ANO8: variants seen among roughly 807,000 people sequenced by gnomAD.
ANO8 encodes anoctamin 8.
Under a neutral mutation model 120.4 loss-of-function variants are expected in ANO8, and 67 were observed. That is an observed-to-expected ratio of 0.56 (90% CI 0.46 to 0.68). The LOEUF (loss-of-function observed/expected upper bound fraction) is 0.68, where lower values mean the gene tolerates loss of function less well. Ranked by LOEUF, ANO8 falls within the 30% of genes least tolerant of loss-of-function variation. ANO8 has a pLI of 0.00. For synonymous variants in ANO8, 727 were observed against 759.2 expected, an observed-to-expected ratio of 0.96 and a Z score of 0.70; for missense variants, 1,526 against 1,737.6, an observed-to-expected ratio of 0.88 and a Z score of 2.16.
In ANO8 at chr19:17,327,431, G is replaced by T; in HGVS notation, c.2550+7C>A. 1 of 1,602,170 alleles carries T rather than the reference G, an allele frequency of 6.2e-7. No individual in the cohort carries two copies. Among genetic ancestry groups the T allele is most frequent in the Non-Finnish European group, 8.5e-7 (1 of 1,174,474 alleles). ...CCAGCTGCCCCCGCCCCTGTCGCCG[G>T]CCCCACCTCGAGCACTACCACCGAC... On this transcript the variant is annotated splice_region_variant and intron_variant, in intron 15 of 17. Coordinates refer to ENST00000159087, the MANE Select transcript of ANO8 (RefSeq NM_020959.3).
At chr19:17,326,400 G>A (rs1472176526) in intron 16 of ANO8, among the ~76,000 whole-genome samples, 5 of 152,200 alleles carry the variant, frequency 3.3e-5, no homozygotes, top group African/African-American at 1.2e-4. Flanking sequence ...TATTTGGGAG[G>A]CATGAGAATT....
chr19:17,333,225 GC>G lies in ANO8; in HGVS notation c.364del (p.Ala122ProfsTer10). 6.2e-7 allele frequency: 1 copy of G among 1,609,720 alleles called. No homozygotes were observed. Among genetic ancestry groups the G allele is most frequent in the Non-Finnish European group, 8.5e-7 (1 of 1,177,634 alleles). On this transcript the variant is annotated frameshift_variant, in exon 4 of 18. Coordinates refer to ENST00000159087, the MANE Select transcript of ANO8 (RefSeq NM_020959.3). LOFTEE classifies it high-confidence loss of function. The surrounding 1 kb of genome is among the most constrained non-coding windows in gnomAD (Gnocchi z 7.2). ...TGCTTTGCGCAGACCCAGCTCGTCG[GC>G]CCCTCGGAGTAGGCTGTGAAGAAGG... ...TATYESLLRG[A>X]DELGLRKAVK... is the part of the protein sequence containing the mutation.
Position 17,330,143 on chromosome 19 carries a change from T to C in ANO8, c.1255A>G (p.Ile419Val). The C allele has an allele frequency of 6.2e-7, 1 of 1,614,050 alleles. No individual in the cohort carries two copies. Among genetic ancestry groups the C allele is most frequent in the East Asian group, 2.2e-5 (1 of 44,872 alleles). ...VSAEGYKKLAIWLNDMENYRL... is the reference protein window; with the variant it reads ...VSAEGYKKLAVWLNDMENYRL... ...GTCGTACCCATGTCATTGAGCCAGA[T>C]GGCTAGCTTCTTGTAGCCCTCGGCA... Residue 419 changes from isoleucine to valine, a missense_variant, in exon 10 of 18, where the codon ATC (isoleucine) becomes GTC (valine). This residue lies in a region of ANO8 where 91 missense variants were observed against 85.3 expected (regional missense o/e 1.07). Coordinates refer to ENST00000159087, the MANE Select transcript of ANO8 (RefSeq NM_020959.3).
At chr19:17,326,063 T>C (rs2074272017) in intron 16 of ANO8, among the ~76,000 whole-genome samples, 1 of 152,238 alleles carries the variant, frequency 6.6e-6, no homozygotes, top group South Asian at 2.1e-4. Flanking sequence ...ACGCCGGTAC[T>C]TTCTGGGAAT....
chr19:17,334,379 G>C (rs965376722), intron 1 of ANO8, among the ~76,000 whole-genome samples, 186 bp downstream of exon 1: 1 of 152,158 alleles, frequency 6.6e-6, no homozygotes, highest in African/African-American at 2.4e-5. Flanking sequence ...TCTCCGCGCC[G>C]GGACCCCAGC....
intron 1 of ANO8, among the ~76,000 whole-genome samples, chr19:17,334,118 C>A (rs565888596): frequency 1.1e-3 from 172 of 152,380 alleles, no homozygotes; most frequent in African/African-American, 3.9e-3. Context: ...ACAGCGCCGT[C>A]CTTGCAGCAG....
chr19:17,323,541 C>G lies in ANO8; in HGVS notation c.3675G>C (p.Val1225=), dbSNP rs1345325854. The G allele has an allele frequency of 3.9e-6, 5 of 1,293,182 alleles. No homozygotes were observed. Among genetic ancestry groups the G allele is most frequent in the Non-Finnish European group, 4.9e-6 (5 of 1,020,152 alleles). The allele number at this position is 1,293,182 out of a possible 1,614,324, so 80.1% of individuals were successfully genotyped here. Residue 1225 remains valine, a synonymous_variant, in exon 18 of 18, where the codon GTG becomes GTC. Transcript: ENST00000159087. ...SPSPSPSPQA[V]CWPSGWH is the part of the protein sequence containing the mutation. ...GCTAATGCCAGCCGCTGGGCCAGCA[C>G]ACGGCCTGGGGGCTGGGGCTGGGGC...
chr19:17,323,313 GT>G lies in ANO8; in HGVS notation c.*203del, dbSNP rs2074250031. 1.5e-5 allele frequency: 3 copies of G among 195,678 alleles called. No homozygotes were observed. Among genetic ancestry groups the G allele is most frequent in the Admixed American group, 6.6e-5 (1 of 15,216 alleles). The allele number at this position is 195,678 out of a possible 1,614,324, so 12.1% of individuals were successfully genotyped here. On this transcript the variant is annotated 3_prime_UTR_variant, in exon 18 of 18. Transcript: ENST00000159087. The stretch of plus-strand genomic sequence containing the variant: ...AAACAAATAAATAATCGCCTGTTCT[GT>G]GTGTGTGTGTGTGTGTGTGTGTGTG...
intron 5 of ANO8, among the ~76,000 whole-genome samples, chr19:17,332,024 TC>T (rs1265722506): frequency 1.5e-5 from 2 of 130,784 alleles, no homozygotes; most frequent in Admixed American, 1.7e-4. Flanking sequence ...AACCTCTGCC[TC>T]CCGGGTTCAA....
chr19:17,328,121 G>GGCGGGGCCCCGCCCCCT, intron 13 of ANO8, 41 bp downstream of exon 13: 1 of 1,436,414 alleles, frequency 7.0e-7, no homozygotes, highest in Non-Finnish European at 9.3e-7. Flanking sequence ...TCCCGTCCCC[G>GGCGGGGCCCCGCCCCCT]GCGAGGCCCC....
Position 17,328,677 on chromosome 19 carries a change from C to G in ANO8, c.1711G>C (p.Gly571Arg). 1 of 1,401,206 alleles carries G rather than the reference C, an allele frequency of 7.1e-7. No homozygotes were observed. The highest frequency in any genetic ancestry group is 9.4e-7 in the Non-Finnish European group (1 of 1,065,852). The allele number at this position is 1,401,206 out of a possible 1,614,324, so 86.8% of individuals were successfully genotyped here. A position where few individuals can be genotyped will look rare whatever the true frequency, so the allele number is the denominator to read the frequency against. Reference sequence around the variant, plus strand: ...CCTGGAGGCCCGTCCCCCTCCTCCCCGCCTTCCCCCGCCCGCCGCCGCTCC... The same window carrying G: ...CCTGGAGGCCCGTCCCCCTCCTCCCGGCCTTCCCCCGCCCGCCGCCGCTCC... ...LVERRRAGEG[G>R]EEGDGPPGGK... The change falls in exon 13 of 18, where the codon GGG becomes CGG. Residue 571 changes from glycine to arginine, a missense_variant. Coordinates refer to ENST00000159087, the MANE Select transcript of ANO8 (RefSeq NM_020959.3).
Position 17,327,540 on chromosome 19 carries a change from C to G in ANO8, c.2448G>C (p.Ala816=). 1 of 1,613,460 alleles carries G rather than the reference C, an allele frequency of 6.2e-7. No homozygotes were observed. The change falls in exon 15 of 18, where the codon GCG becomes GCC. Residue 816 remains alanine (A), a synonymous_variant. Coordinates refer to ENST00000159087, the MANE Select transcript of ANO8 (RefSeq NM_020959.3). ...QKVMEAMGVL[A]IVVNCYLIGQ... ...CGATTAAGTAGCAGTTGACCACAAT[C>G]GCTAGGACACCCATGGCCTCCATCA... is the stretch of plus-strand genomic sequence containing the variant.
At position 17,330,371 on chromosome 19, in the gene ANO8, A is replaced by T; in HGVS notation, c.1127T>A (p.Leu376His). The T allele has an allele frequency of 6.3e-7, 1 of 1,596,612 alleles. No individual in the cohort carries two copies. Among genetic ancestry groups the T allele is most frequent in the South Asian group, 1.1e-5 (1 of 88,938 alleles). ...GGTCACCTGCAGCTGGAAGCAGCCAAGCATGAGCAAGAAGACACAGACGAG... is the reference window on the plus strand; with the variant it reads ...GGTCACCTGCAGCTGGAAGCAGCCATGCATGAGCAAGAAGACACAGACGAG... ...ACLVCVFLLM[L>H]GCFQLQELVL... The change falls in exon 9 of 18, where the codon CTT (leucine) becomes CAT (histidine). Residue 376 changes from leucine to histidine, a missense_variant. Physicochemically the swap from Leu to His is moderately conservative, Grantham distance 99. Transcript: ENST00000159087.
In ANO8 at chr19:17,328,881, G is replaced by T. The variant is rs564364504; in HGVS notation, c.1507C>A (p.Arg503=). 26 of 1,500,920 alleles carry T rather than the reference G, an allele frequency of 1.7e-5. No individual in the cohort carries two copies. Among genetic ancestry groups the T allele is most frequent in the Non-Finnish European group, 2.2e-5 (25 of 1,129,488 alleles). 93.0% of individuals were successfully genotyped at this position (1,500,920 alleles called of 1,614,324 possible). A position where few individuals can be genotyped will look rare whatever the true frequency, so the allele number is the denominator to read the frequency against. Residue 503 remains arginine, a synonymous_variant, in exon 13 of 18, where the codon CGG becomes AGG. Transcript: ENST00000159087. ...RRLGRGELGL[R]AVWELARALL... is the part of the protein sequence containing the mutation. ...GCTCGGGCCAGCTCCCAGACGGCCCGCAGGCCCAGCTCGCCGCGGCCCAGG... is the reference window on the plus strand; with the variant it reads ...GCTCGGGCCAGCTCCCAGACGGCCCTCAGGCCCAGCTCGCCGCGGCCCAGG...
Position 17,328,846 on chromosome 19 carries a change from G to A in ANO8, c.1542C>T (p.Gly514=). Residue 514 remains glycine, a synonymous_variant, in exon 13 of 18, where the codon GGC becomes GGT. Coordinates refer to ENST00000159087, the MANE Select transcript of ANO8 (RefSeq NM_020959.3). ...GCGCAGGGCGCCGGAGGCTCAGGAG[G>A]CCAAGCAGGGCTCGGGCCAGCTCCC... is the stretch of plus-strand genomic sequence containing the variant. ...AVWELARALL[G]LLSLRRPAPR... is the part of the protein sequence containing the mutation. The A allele has an allele frequency of 1.3e-6, 2 of 1,481,540 alleles. No individual in the cohort carries two copies. Among genetic ancestry groups the A allele is most frequent in the East Asian group, 2.9e-5 (1 of 34,178 alleles). 91.8% of individuals were successfully genotyped at this position (1,481,540 alleles called of 1,614,324 possible).
chr19:17,329,317 C>A, intron 12 of ANO8: 1 of 356,478 alleles, frequency 2.8e-6, no homozygotes, highest in South Asian at 5.3e-5. Flanking sequence ...AGATTCCCTC[C>A]GCGCATGCGC....
At chr19:17,328,135 C>A (rs2074286099) in intron 13 of ANO8, 27 bp downstream of exon 13, 1 of 1,511,626 alleles carries the variant, frequency 6.6e-7, no homozygotes. Flanking sequence ...AGGCCCCGCC[C>A]CCTGCGAGGC....
intron 5 of ANO8, among the ~76,000 whole-genome samples, chr19:17,331,651 G>GTTTTT (rs369893061): frequency 1.4e-4 from 20 of 143,406 alleles, no homozygotes; most frequent in African/African-American, 4.6e-4. Flanking sequence ...GAGGAACCAT[G>GTTTTT]TTTTTTTTTT....
rs200795418 is a variant in ANO8, at chr19:17,328,434, C to T, written c.1954G>A (p.Gly652Arg). 367 of 1,575,850 alleles carry T rather than the reference C, an allele frequency of 2.3e-4. 1 individual carries two copies. Among genetic ancestry groups the T allele is most frequent in the Non-Finnish European group, 2.9e-4 (333 of 1,166,736 alleles). The change falls in exon 13 of 18, where the codon GGA becomes AGA. Residue 652 changes from glycine to arginine, a missense_variant. Gly to Arg is a moderately radical substitution (Grantham distance 125). Coordinates refer to ENST00000159087, the MANE Select transcript of ANO8 (RefSeq NM_020959.3). Reference protein sequence around the residue: ...PTMVEKGLEPGVFTLAEEDDE... With the variant: ...PTMVEKGLEPRVFTLAEEDDE... ...TCCTCCTCGGCCAGGGTGAACACTCCCGGCTCCAGCCCCTTCTCCACCATA... is the reference window on the plus strand; with the variant it reads ...TCCTCCTCGGCCAGGGTGAACACTCTCGGCTCCAGCCCCTTCTCCACCATA...
Sources: allele counts gnomAD v4.1 joint callset (sites outside exome capture counted in the v4.1 genomes callset), GRCh38; gene constraint gnomAD v4.1.1; regional missense constraint gnomAD v4.1.1; non-coding constraint Gnocchi (gnomAD v3.1); transcripts MANE v1.5; gene names NCBI Gene and HGNC (gene_info 2026-07-23, HGNC 2026-07-21).